Variants in RNF220 observed in about 807,000 individuals in gnomAD.
RNF220 encodes E3 ubiquitin-protein ligase RNF220.
In RNF220, 7 loss-of-function variants were observed where a neutral mutation model predicts 67.1. The observed-to-expected ratio is 0.10, with a 90% CI of 0.06 to 0.20. The LOEUF is 0.20. Ranked by LOEUF, RNF220 falls within the 10% of genes least tolerant of loss-of-function variation. The pLI is 1.00. For missense variants in RNF220, 565 were observed against 740.3 expected (o/e 0.76, Z 2.75); for synonymous variants, 270 against 283.2 (o/e 0.95, Z 0.47).
rs1191613606 is a variant in RNF220, at chr1:44,650,888, A to G, written c.*113A>G. On this transcript the variant is annotated 3_prime_UTR_variant, in exon 15 of 15. Transcript: ENST00000361799. This position sits in a 1 kb window ranked among gnomAD's most constrained non-coding sequence, Gnocchi z 4.3. The stretch of plus-strand genomic sequence containing the variant: ...GCACACAGGTTCCCCATGTACATAC[A>G]TGCACATACTCAAACATGCGTACAC... The G allele has an allele frequency of 6.7e-6, 6 of 888,990 alleles. No individual in the cohort carries two copies. The highest frequency in any genetic ancestry group is 3.3e-5 in the African/African-American group (2 of 61,186). The allele number at this position is 888,990 out of a possible 1,614,324, so 55.1% of individuals were successfully genotyped here.
intron 2 of RNF220, among the ~76,000 whole-genome samples, chr1:44,581,828 G>T (rs911923652): frequency 1.3e-5 from 2 of 152,300 alleles, no homozygotes; most frequent in Admixed American, 6.5e-5. Flanking sequence ...TGCTCTTCTT[G>T]CTCCATTCTT....
intron 1 of RNF220, among the ~76,000 whole-genome samples, chr1:44,407,624 C>T (rs1334930556): frequency 6.6e-6 from 1 of 152,016 alleles, no homozygotes; most frequent in East Asian, 1.9e-4. Flanking sequence ...GCGGAGCGAG[C>T]GGGGACACAC....
At chr1:44,582,786 G>A (rs1665402118) in intron 2 of RNF220, among the ~76,000 whole-genome samples, 1 of 148,070 alleles carries the variant, frequency 6.8e-6, no homozygotes, top group South Asian at 2.1e-4. Flanking sequence ...CACTTTGGGA[G>A]GCCGAGGCGG....
chr1:44,486,414 CT>C (rs1271990076), intron 2 of RNF220, among the ~76,000 whole-genome samples: 3 of 152,218 alleles, frequency 2.0e-5, no homozygotes, highest in African/African-American at 4.8e-5. Flanking sequence ...CCCCCGTCAT[CT>C]TTCTTTTTAA....
At chr1:44,436,949 G>A (rs114045852) in intron 2 of RNF220, among the ~76,000 whole-genome samples, 1,640 of 152,244 alleles carry the variant, frequency 0.011, 9 homozygotes, top group Middle Eastern at 0.017. Context: ...AACTCTTCAG[G>A]ATTCTCTATC....
intron 8 of RNF220, among the ~76,000 whole-genome samples, chr1:44,637,179 G>A (rs1644354513): frequency 6.6e-6 from 1 of 152,250 alleles, no homozygotes; most frequent in African/African-American, 2.4e-5. Context: ...GGCAGATGCT[G>A]AGGAGTGGTC....
At chr1:44,483,133 G>A (rs1266029028) in intron 2 of RNF220, among the ~76,000 whole-genome samples, 7 of 151,900 alleles carry the variant, frequency 4.6e-5, no homozygotes, top group African/African-American at 1.5e-4. Context: ...GTCTTGCTTT[G>A]TTGCCCAGGC....
intron 2 of RNF220, among the ~76,000 whole-genome samples, chr1:44,552,510 CA>C (rs1662718377): frequency 6.8e-6 from 1 of 147,572 alleles, no homozygotes; most frequent in Middle Eastern, 3.5e-3. Context: ...AACAAACAGA[CA>C]AACAACAACA....
At position 44,579,279 on chromosome 1, in the gene RNF220, A is replaced by G. The variant is rs146128486; in HGVS notation, c.626-34886A>G. On this transcript the variant is annotated intron_variant, in intron 2 of 14. Coordinates refer to ENST00000361799, the MANE Select transcript of RNF220 (RefSeq NM_018150.4). The stretch of plus-strand genomic sequence containing the variant: ...GCAGAGGGGCTTAAGTAACTTGACC[A>G]AGACCACACAGTCACTGAGCAGTAG... Among the ~76,000 whole-genome samples, 1,081 of 152,340 alleles carry G rather than the reference A, an allele frequency of 7.1e-3. 8 individuals are homozygous for G. The highest frequency in any genetic ancestry group is 7.7e-3 in the Non-Finnish European group (527 of 68,032).
chr1:44,604,563 G>C (rs1667142901), intron 2 of RNF220, among the ~76,000 whole-genome samples: 1 of 152,248 alleles, frequency 6.6e-6, no homozygotes, highest in South Asian at 2.1e-4. Flanking sequence ...GGGGTCAAGG[G>C]TTTAGCTTCT....
intron 2 of RNF220, among the ~76,000 whole-genome samples, chr1:44,415,785 A>G (rs965936363): frequency 6.6e-6 from 1 of 152,146 alleles, no homozygotes; most frequent in Admixed American, 6.5e-5. Flanking sequence ...TCATTAAGAA[A>G]TCAGTTGTAT....
At chr1:44,488,256 C>T (rs1012735689) in intron 2 of RNF220, among the ~76,000 whole-genome samples, 2 of 151,928 alleles carry the variant, frequency 1.3e-5, no homozygotes, top group Non-Finnish European at 2.9e-5. Context: ...CTGCCTCAGC[C>T]TCCCGAGTAG....
chr1:44,417,617 C>A lies in RNF220; in HGVS notation c.625+4895C>A, dbSNP rs978281532. On this transcript the variant is annotated intron_variant, in intron 2 of 14. Transcript: ENST00000361799. The surrounding 1 kb of genome is among the most constrained non-coding windows in gnomAD (Gnocchi z 4.0). The stretch of plus-strand genomic sequence containing the variant: ...ATGGTGAGAAAACGGACACCGCAGC[C>A]GTCCTCCCTCCTCGCCCCGCGCCCT... Among the ~76,000 whole-genome samples the A allele has an allele frequency of 2.0e-4, 31 of 152,336 alleles. No individual in the cohort carries two copies. Among genetic ancestry groups the A allele is most frequent in the African/African-American group, 7.5e-4 (31 of 41,592 alleles).
At chr1:44,544,496 C>A (rs1661958572) in intron 2 of RNF220, among the ~76,000 whole-genome samples, 1 of 152,210 alleles carries the variant, frequency 6.6e-6, no homozygotes, top group African/African-American at 2.4e-5. Flanking sequence ...CAGAGTCTGG[C>A]ACACGATAAA....
chr1:44,554,559 G>C (rs554740355), intron 2 of RNF220, among the ~76,000 whole-genome samples: 1 of 152,192 alleles, frequency 6.6e-6, no homozygotes, highest in South Asian at 2.1e-4. Context: ...GAAACAGTTG[G>C]GCTGAAGGGG....
intron 2 of RNF220, among the ~76,000 whole-genome samples, chr1:44,451,107 T>G (rs958732616): frequency 6.6e-6 from 1 of 150,468 alleles, no homozygotes. Context: ...GGCGTGAACC[T>G]GGGAGGTGGA....
intron 2 of RNF220, among the ~76,000 whole-genome samples, chr1:44,592,656 G>T (rs1047734680): frequency 6.6e-6 from 1 of 152,186 alleles, no homozygotes; most frequent in Non-Finnish European, 1.5e-5. Context: ...GGTGGTACAC[G>T]CTCCTCTCAT....
intron 2 of RNF220, among the ~76,000 whole-genome samples, chr1:44,518,156 T>G (rs780386122): frequency 3.3e-5 from 5 of 152,118 alleles, no homozygotes; most frequent in Admixed American, 6.5e-5. Flanking sequence ...CTGGGTGTGG[T>G]GGCTCACACC....
rs1643782668 is a variant in RNF220 at position 44,621,242 on chromosome 1, C to A, written c.759-1500C>A. 6.6e-6 allele frequency among the ~76,000 whole-genome samples: 1 copy of A among 152,198 alleles called. No individual in the cohort carries two copies. Among genetic ancestry groups the A allele is most frequent in the South Asian group, 2.1e-4 (1 of 4,834 alleles). ...TGCATCTGTCTTTATGGACATGTGT[C>A]TGGGAATATGCCTCTGTGGCCCTGT... is the stretch of plus-strand genomic sequence containing the variant. On this transcript the variant is annotated intron_variant, in intron 3 of 14. Coordinates refer to ENST00000361799, the MANE Select transcript of RNF220 (RefSeq NM_018150.4). This position sits in a 1 kb window ranked among gnomAD's most constrained non-coding sequence, Gnocchi z 4.8.
Sources: allele counts gnomAD v4.1 joint callset (sites outside exome capture counted in the v4.1 genomes callset), GRCh38; gene constraint gnomAD v4.1.1; non-coding constraint Gnocchi (gnomAD v3.1); transcripts MANE v1.5; gene names NCBI Gene and HGNC (gene_info 2026-07-23, HGNC 2026-07-21).